Variants in PEX14 observed in about 807,000 individuals in gnomAD.
PEX14 encodes peroxisomal membrane protein PEX14.
PEX14 carries 15 observed loss-of-function variants against 49.5 expected under a neutral mutation model. That is an observed-to-expected ratio of 0.30 (90% CI 0.20 to 0.47). The LOEUF (loss-of-function observed/expected upper bound fraction) is 0.47. Among genes scored for constraint, PEX14 ranks in the 20% least tolerant of loss-of-function variants. PEX14 has a pLI of 1.00. For missense variants in PEX14, 398 were observed against 494.8 expected, an observed-to-expected ratio of 0.80 and a Z score of 1.86; for synonymous variants, 210 against 212.7, an observed-to-expected ratio of 0.99 and a Z score of 0.11.
intron 1 of PEX14, among the ~76,000 whole-genome samples, chr1:10,478,052 C>A (rs1641226396): frequency 6.6e-6 from 1 of 151,792 alleles, no homozygotes; most frequent in South Asian, 2.1e-4. Context: ...CCAGGCCTGG[C>A]TAATTTTTTT....
intron 3 of PEX14, among the ~76,000 whole-genome samples, chr1:10,578,033 C>A (rs1167579890): frequency 6.6e-6 from 1 of 151,884 alleles, no homozygotes; most frequent in Non-Finnish European, 1.5e-5. Context: ...AGAACTCAAG[C>A]AGAAAGCTGT....
At position 10,597,823 on chromosome 1, in the gene PEX14, G is replaced by A. The variant is rs1289109226; in HGVS notation, c.170-1415G>A. On this transcript the variant is annotated intron_variant, in intron 3 of 8. Coordinates refer to ENST00000356607, the MANE Select transcript of PEX14 (RefSeq NM_004565.3). This position sits in a 1 kb window ranked among gnomAD's most constrained non-coding sequence, Gnocchi z 5.7. Reference sequence around the variant, plus strand: ...CACAGAGAAGGGAAAAAAGAGTCCAGGGCTGTTTAGAAAAGTTCGGGCATT... The same window carrying A: ...CACAGAGAAGGGAAAAAAGAGTCCAAGGCTGTTTAGAAAAGTTCGGGCATT... Among the ~76,000 whole-genome samples, 2 of 152,204 alleles carry A rather than the reference G, an allele frequency of 1.3e-5. No homozygotes were observed. Among genetic ancestry groups the A allele is most frequent in the African/African-American group, 2.4e-5 (1 of 41,456 alleles).
At chr1:10,486,418 G>A (rs1362616712) in intron 1 of PEX14, among the ~76,000 whole-genome samples, 1 of 145,642 alleles carries the variant, frequency 6.9e-6, no homozygotes, top group Non-Finnish European at 1.5e-5. Context: ...AGTGGCTCAC[G>A]CCTGTAATCC....
chr1:10,601,474 G>C (rs1640983810), intron 4 of PEX14, among the ~76,000 whole-genome samples: 1 of 152,146 alleles, frequency 6.6e-6, no homozygotes, highest in Non-Finnish European at 1.5e-5. Context: ...CTTGCTGAAG[G>C]GCCAGCCAGT....
chr1:10,585,229 G>A (rs536465175), intron 3 of PEX14, among the ~76,000 whole-genome samples: 1 of 152,216 alleles, frequency 6.6e-6, no homozygotes, highest in South Asian at 2.1e-4. Flanking sequence ...TGTCTTTTCC[G>A]AGCTATTTAT....
chr1:10,530,555 T>TC (rs1199746141), intron 2 of PEX14, among the ~76,000 whole-genome samples: 2 of 152,206 alleles, frequency 1.3e-5, no homozygotes, highest in South Asian at 2.1e-4. Flanking sequence ...TGCAGGCCCC[T>TC]CCCCCCTACT....
chr1:10,606,472 C>G (rs1193565692), intron 4 of PEX14, among the ~76,000 whole-genome samples: 1 of 152,158 alleles, frequency 6.6e-6, no homozygotes, highest in Non-Finnish European at 1.5e-5. Flanking sequence ...AGCACATGTC[C>G]TCAGCTTTCC....
chr1:10,569,761 TGAG>T (rs1373583363), intron 3 of PEX14, among the ~76,000 whole-genome samples: 2 of 152,218 alleles, frequency 1.3e-5, no homozygotes, highest in Non-Finnish European at 2.9e-5. Context: ...ATTAGAATCT[TGAG>T]GACATTTTCC....
Position 10,516,197 on chromosome 1 carries a change from T to A in PEX14, c.85-20016T>A, listed in dbSNP as rs538278723. ...GCAGAACTAAGAAGCCAGGCCTATG[T>A]GTCTTAAGTTTTCATTTATTAATGC... On this transcript the variant is annotated intron_variant, in intron 2 of 8. Transcript: ENST00000356607. Among the ~76,000 whole-genome samples the A allele has an allele frequency of 3.3e-5, 5 of 152,370 alleles. No individual in the cohort carries two copies. The South Asian group carries it at 1.0e-3, about 32-fold the overall frequency.
chr1:10,577,556 A>ATG (rs1557854839), intron 3 of PEX14, among the ~76,000 whole-genome samples: 98 of 5,890 alleles, frequency 0.017, 4 homozygotes, highest in African/African-American at 0.021. Flanking sequence ...ATATATATAT[A>ATG]TATATATTTT....
intron 2 of PEX14, among the ~76,000 whole-genome samples, chr1:10,518,755 G>C (rs911529695): frequency 1.3e-5 from 2 of 152,150 alleles, no homozygotes; most frequent in Non-Finnish European, 2.9e-5. Context: ...TGCTTCCTGC[G>C]TTCCCAGCCC....
At chr1:10,552,896 C>A (rs967752852) in intron 3 of PEX14, among the ~76,000 whole-genome samples, 2 of 151,994 alleles carry the variant, frequency 1.3e-5, no homozygotes, top group Non-Finnish European at 2.9e-5. Context: ...AGGTCTGAAG[C>A]GGATTGGTGA....
intron 7 of PEX14, among the ~76,000 whole-genome samples, chr1:10,625,953 A>G (rs765186064): frequency 2.6e-5 from 4 of 152,170 alleles, no homozygotes; most frequent in African/African-American, 4.8e-5. Flanking sequence ...CTTGGCATCT[A>G]AACGCGTATG....
chr1:10,582,517 A>T (rs1422415281), intron 3 of PEX14, among the ~76,000 whole-genome samples: 1 of 152,158 alleles, frequency 6.6e-6, no homozygotes, highest in African/African-American at 2.4e-5. Context: ...ACCTAGGGTG[A>T]TCACAGAGGA....
At chr1:10,505,252 T>C (rs1641761393) in intron 2 of PEX14, among the ~76,000 whole-genome samples, 1 of 152,126 alleles carries the variant, frequency 6.6e-6, no homozygotes, top group African/African-American at 2.4e-5. Context: ...AGAGAATTGC[T>C]TGAGCCCAGG....
intron 3 of PEX14, among the ~76,000 whole-genome samples, chr1:10,542,715 C>T (rs1016999149): frequency 6.7e-6 from 1 of 149,174 alleles, no homozygotes; most frequent in East Asian, 2.1e-4. Context: ...GAGCCGAGAT[C>T]GTGTCACCGC....
intron 2 of PEX14, among the ~76,000 whole-genome samples, chr1:10,497,311 C>A (rs149541585): frequency 1.3e-5 from 2 of 152,260 alleles, no homozygotes; most frequent in Non-Finnish European, 2.9e-5. Flanking sequence ...AGATGGGCAG[C>A]CCCCTTGCAC....
At chr1:10,619,027 A>G (rs1002170519) in intron 5 of PEX14, among the ~76,000 whole-genome samples, 10 of 152,210 alleles carry the variant, frequency 6.6e-5, no homozygotes, top group African/African-American at 2.2e-4. Flanking sequence ...CATCAGATGT[A>G]TGGGAGCTGT....
intron 2 of PEX14, among the ~76,000 whole-genome samples, chr1:10,497,331 C>T (rs1641586816): frequency 1.3e-5 from 2 of 152,180 alleles, no homozygotes; most frequent in Admixed American, 1.3e-4. Context: ...CAGAAAGCCC[C>T]ACAGCTCAGT....
Sources: gnomAD v4.1 joint callset for allele counts (sites outside exome capture counted in the v4.1 genomes callset) on GRCh38, gnomAD v4.1.1 for gene constraint, Gnocchi (gnomAD v3.1) non-coding constraint, MANE v1.5 for transcripts, NCBI Gene and HGNC (gene_info 2026-07-23, HGNC 2026-07-21) for gene names.